The following SVEP1 variants were observed in gnomAD, a reference collection of about 807,000 sequenced individuals.
The protein encoded by SVEP1 is sushi, von Willebrand factor type A, EGF and pentraxin domain containing 1, also known as sushi, von Willebrand factor type A, EGF and pentraxin domain-containing protein 1.
A neutral mutation model predicts 367.3 loss-of-function variants in SVEP1; 164 were observed. The observed-to-expected ratio is 0.45, with a 90% CI of 0.39 to 0.51. The LOEUF (loss-of-function observed/expected upper bound fraction) is 0.51, where lower values mean the gene tolerates loss of function less well. Ranked by LOEUF, SVEP1 falls within the 20% of genes least tolerant of loss-of-function variation. SVEP1 has a pLI of 0.00. For synonymous variants in SVEP1, 1,666 were observed against 1,611.6 expected, an observed-to-expected ratio of 1.03 and a Z score of -0.81; for missense variants, 4,117 against 4,425.3, an observed-to-expected ratio of 0.93 and a Z score of 1.98.
chr9:110,560,070 A>G (rs1023547010), intron 1 of SVEP1, among the ~76,000 whole-genome samples: 1 of 152,184 alleles, frequency 6.6e-6, no homozygotes, highest in African/African-American at 2.4e-5. Flanking sequence ...GTTTTGGTCA[A>G]TGACAGACCA....
In SVEP1 at chr9:110,550,715, T is replaced by C. The variant is rs12351139; in HGVS notation, c.532-611A>G. 9.8e-3 allele frequency among the ~76,000 whole-genome samples: 1,489 copies of C among 152,336 alleles called. 26 individuals are homozygous for C. Among genetic ancestry groups the C allele is most frequent in the African/African-American group, 0.032 (1,330 of 41,566 alleles). ...TTCATCTTTTTGGACCACCCGGTAC[T>C]AGCATAAAAATAGCTAGTTTTGGTG... is the stretch of plus-strand genomic sequence containing the variant. On this transcript the variant is annotated intron_variant, in intron 1 of 47. Coordinates refer to ENST00000374469, the MANE Select transcript of SVEP1 (RefSeq NM_153366.4).
At chr9:110,539,946 C>G (rs1830124029) in intron 3 of SVEP1, among the ~76,000 whole-genome samples, 1 of 152,012 alleles carries the variant, frequency 6.6e-6, no homozygotes, top group Non-Finnish European at 1.5e-5. Flanking sequence ...TATCCCAGCT[C>G]TATTAGCTGT....
chr9:110,450,474 T>A (rs1451090374), intron 23 of SVEP1, among the ~76,000 whole-genome samples: 1 of 145,764 alleles, frequency 6.9e-6, no homozygotes, highest in East Asian at 2.0e-4. Context: ...TCTGTTTTTT[T>A]TTTTTTTTTT....
intron 30 of SVEP1, among the ~76,000 whole-genome samples, chr9:110,432,939 T>C (rs926202601): frequency 1.3e-5 from 2 of 152,086 alleles, no homozygotes; most frequent in Non-Finnish European, 2.9e-5. Context: ...GGAATTGGGG[T>C]CTTGTGGGAG....
chr9:110,497,211 T>C (rs951076332), intron 7 of SVEP1, among the ~76,000 whole-genome samples: 1 of 152,222 alleles, frequency 6.6e-6, no homozygotes, highest in Non-Finnish European at 1.5e-5. Context: ...TGTCAGGCCA[T>C]TGCCTTTCTT....
At chr9:110,572,742 A>G (rs905366662) in intron 1 of SVEP1, among the ~76,000 whole-genome samples, 1 of 132,372 alleles carries the variant, frequency 7.6e-6, no homozygotes, top group Non-Finnish European at 1.6e-5. Context: ...AGATGGCGTC[A>G]CTGCACTCCA....
chr9:110,556,262 C>T (rs572724003), intron 1 of SVEP1, among the ~76,000 whole-genome samples: 7 of 152,184 alleles, frequency 4.6e-5, no homozygotes, highest in Admixed American at 1.3e-4. Context: ...CAAGACGGCA[C>T]CCCCACTCCA....
chr9:110,446,019 G>A lies in SVEP1; in HGVS notation c.4281C>T (p.Asn1427=), dbSNP rs762223783. Residue 1427 remains asparagine (N), a synonymous_variant, in exon 26 of 48, where the codon AAC becomes AAT. Coordinates refer to ENST00000374469, the MANE Select transcript of SVEP1 (RefSeq NM_153366.4). ...AGATGCCAGAAACTTCAAAATCCAGGTTAAAGCCTGTAGACTGTTCTGCAA... is the reference window on the plus strand; with the variant it reads ...AGATGCCAGAAACTTCAAAATCCAGATTAAAGCCTGTAGACTGTTCTGCAA... ...RCETEQSTGF[N]LDFEVSGIYG... 1.2e-6 allele frequency: 2 copies of A among 1,612,166 alleles called. No individual in the cohort carries two copies. The highest frequency in any genetic ancestry group is 8.5e-7 in the Non-Finnish European group (1 of 1,178,914).
chr9:110,431,833 C>G lies in SVEP1; in HGVS notation c.5353+82G>C, dbSNP rs1828353417. On this transcript the variant is annotated intron_variant, in intron 32 of 47. Coordinates refer to ENST00000374469, the MANE Select transcript of SVEP1 (RefSeq NM_153366.4). The stretch of plus-strand genomic sequence containing the variant: ...CTTTGAAGTTGAAACAATTATCTCA[C>G]TTAGAAATAACATACACTTAAAATA... The G allele has an allele frequency of 1.3e-5, 20 of 1,547,498 alleles. 1 individual carries two copies. The South Asian group carries it at 2.0e-4, about 15-fold the overall frequency.
chr9:110,442,461 C>CTTTTTT (rs11290774), intron 27 of SVEP1: 1 of 133,468 alleles, frequency 7.5e-6, no homozygotes, highest in Non-Finnish European at 1.6e-5. Flanking sequence ...TTTCTTTTTT[C>CTTTTTT]TTTTTTTTTT....
At chr9:110,388,819 A>G (rs564693584) in intron 41 of SVEP1, among the ~76,000 whole-genome samples, 1 of 151,608 alleles carries the variant, frequency 6.6e-6, no homozygotes, top group Non-Finnish European at 1.5e-5. Flanking sequence ...AATACAAAAA[A>G]TTACCCGGGC....
intron 43 of SVEP1, among the ~76,000 whole-genome samples, chr9:110,381,802 C>T (rs1271231413): frequency 1.3e-5 from 2 of 152,222 alleles, no homozygotes; most frequent in Admixed American, 6.5e-5. Context: ...AAGTCTCCCA[C>T]TATTATTGTG....
intron 32 of SVEP1, among the ~76,000 whole-genome samples, chr9:110,431,526 T>G (rs923187380): frequency 6.6e-6 from 1 of 152,142 alleles, no homozygotes; most frequent in African/African-American, 2.4e-5. Context: ...ATGATATAAT[T>G]TTATGTGACT....
At chr9:110,505,448 G>A (rs1019391901) in intron 5 of SVEP1, among the ~76,000 whole-genome samples, 3 of 152,068 alleles carry the variant, frequency 2.0e-5, no homozygotes, top group South Asian at 2.1e-4. Context: ...CTAGAATAAC[G>A]ATGGTTTCAG....
intron 22 of SVEP1, among the ~76,000 whole-genome samples, chr9:110,453,020 T>C (rs1310491263): frequency 6.6e-6 from 1 of 152,224 alleles, no homozygotes; most frequent in African/African-American, 2.4e-5. Flanking sequence ...ATATGAGTTG[T>C]TCCAAATGAT....
At chr9:110,527,300 T>A (rs991223889) in intron 3 of SVEP1, among the ~76,000 whole-genome samples, 13 of 149,320 alleles carry the variant, frequency 8.7e-5, no homozygotes, top group South Asian at 2.1e-4. Context: ...GTAATAAAAA[T>A]TTTTTTTTAA....
intron 2 of SVEP1, 115 bp from the exon 3 acceptor site, chr9:110,546,406 A>T (rs1830221626): frequency 8.5e-7 from 1 of 1,171,690 alleles, no homozygotes; most frequent in African/African-American, 1.5e-5. Flanking sequence ...TATCCCTCTA[A>T]TTCCCAACTG....
chr9:110,398,818 T>C (rs886562492), intron 40 of SVEP1, among the ~76,000 whole-genome samples: 3 of 152,186 alleles, frequency 2.0e-5, no homozygotes, highest in Admixed American at 6.5e-5. Flanking sequence ...CCAGTTAGAA[T>C]GGCAATCATT....
rs543043187 is a variant in SVEP1, at chr9:110,408,622, C to T, written c.6978G>A (p.Pro2326=). ...PKCMPAKCPE[P]PLLENQLVLK... Reference sequence around the variant, plus strand: ...ATACTAGCTGGTTTTCCAAGAGGGGCGGCTCTGGGCACTTGGCAGGCATGC... The same window carrying T: ...ATACTAGCTGGTTTTCCAAGAGGGGTGGCTCTGGGCACTTGGCAGGCATGC... Residue 2326 remains proline (P), a synonymous_variant, in exon 38 of 48, where the codon CCG becomes CCA. Transcript: ENST00000374469. 8.6e-5 allele frequency: 139 copies of T among 1,613,856 alleles called. No individual in the cohort carries two copies. Among genetic ancestry groups the T allele is most frequent in the Middle Eastern group, 3.3e-4 (2 of 6,060 alleles).
Sources: gnomAD v4.1 joint callset for allele counts (sites outside exome capture counted in the v4.1 genomes callset) on GRCh38, gnomAD v4.1.1 for gene constraint, MANE v1.5 for transcripts, NCBI Gene and HGNC (gene_info 2026-07-23, HGNC 2026-07-21) for gene names.